Variants in ATP11B observed in about 807,000 individuals in gnomAD.
ATP11B encodes phospholipid-transporting ATPase IF.
A neutral mutation model predicts 157.8 loss-of-function variants in ATP11B; 81 were observed. The ratio of observed to expected loss-of-function variants is 0.51; its 90% CI spans 0.43 to 0.62. The LOEUF is 0.62. ATP11B is among the 20% of genes least tolerant of loss of function. ATP11B has a pLI of 0.00. For missense variants in ATP11B, 1,165 were observed against 1,402.2 expected, an observed-to-expected ratio of 0.83 and a Z score of 2.70; for synonymous variants, 451 against 469.4, an observed-to-expected ratio of 0.96 and a Z score of 0.51.
intron 1 of ATP11B, among the ~76,000 whole-genome samples, chr3:182,799,936 A>T (rs1370775689): frequency 6.6e-6 from 1 of 151,970 alleles, no homozygotes; most frequent in Non-Finnish European, 1.5e-5. Context: ...ACATAGTGAG[A>T]CCCTGTGTCT....
At chr3:182,868,234 C>T (rs538471738) in intron 15 of ATP11B, among the ~76,000 whole-genome samples, 1 of 150,972 alleles carries the variant, frequency 6.6e-6, no homozygotes, top group Admixed American at 6.6e-5. Flanking sequence ...CTAGTTTTTC[C>T]ATTCTTTGAT....
intron 1 of ATP11B, among the ~76,000 whole-genome samples, chr3:182,811,358 G>A (rs1158262921): frequency 6.6e-6 from 1 of 152,122 alleles, no homozygotes; most frequent in Non-Finnish European, 1.5e-5. Flanking sequence ...TTGCAAACAT[G>A]GCGTCTGGAA....
Position 182,869,160 on chromosome 3 carries a change from T to G in ATP11B, c.1762+9T>G. The G allele has an allele frequency of 6.2e-7, 1 of 1,606,226 alleles. No individual in the cohort carries two copies. The highest frequency in any genetic ancestry group is 8.5e-7 in the Non-Finnish European group (1 of 1,175,926). Reference sequence around the variant, plus strand: ...TGTTCAGGCACCTTCAGGTAACCAATCTAAACTTTCATGAATTTTTATTTA... The same window carrying G: ...TGTTCAGGCACCTTCAGGTAACCAAGCTAAACTTTCATGAATTTTTATTTA... On this transcript the variant is annotated intron_variant, in intron 16 of 29. Transcript: ENST00000323116.
At chr3:182,816,872 T>C (rs536048387) in intron 1 of ATP11B, among the ~76,000 whole-genome samples, 3 of 152,230 alleles carry the variant, frequency 2.0e-5, no homozygotes, top group Non-Finnish European at 4.4e-5. Context: ...AGTTTTGTTC[T>C]TTTATTTTTA....
intron 25 of ATP11B, among the ~76,000 whole-genome samples, chr3:182,893,366 A>G (rs1380687784): frequency 1.3e-5 from 2 of 152,032 alleles, no homozygotes; most frequent in African/African-American, 2.4e-5. Context: ...CTGAGCCCCA[A>G]AAGTTCATTG....
At chr3:182,835,402 TA>T (rs1718472301) in intron 4 of ATP11B, among the ~76,000 whole-genome samples, 1 of 152,290 alleles carries the variant, frequency 6.6e-6, no homozygotes, top group Non-Finnish European at 1.5e-5. Flanking sequence ...CATTTGTACA[TA>T]GAAACAATAG....
intron 25 of ATP11B, among the ~76,000 whole-genome samples, chr3:182,895,498 A>T (rs908897275): frequency 1.3e-5 from 2 of 152,238 alleles, no homozygotes; most frequent in Non-Finnish European, 2.9e-5. Flanking sequence ...AGAGAGGTTA[A>T]GTAATTTGTT....
chr3:182,917,335 T>G (rs1459194408), intron 29 of ATP11B: 1 of 985,284 alleles, frequency 1.0e-6, no homozygotes, highest in Non-Finnish European at 1.2e-6. Context: ...ACTTTTGGTC[T>G]TGAGTTATTT....
intron 28 of ATP11B, chr3:182,902,665 C>A: frequency 1.6e-6 from 1 of 642,390 alleles, no homozygotes; most frequent in Non-Finnish European, 2.3e-6. Flanking sequence ...AAGAGCGGGG[C>A]ATTTTTGTTA....
At chr3:182,804,145 T>C (rs1459891553) in intron 1 of ATP11B, among the ~76,000 whole-genome samples, 1 of 152,224 alleles carries the variant, frequency 6.6e-6, no homozygotes, top group African/African-American at 2.4e-5. Flanking sequence ...AAGCTATGGA[T>C]TGTATTTTCA....
rs1252728982 is a variant in ATP11B, at chr3:182,857,955, C to T, written c.929C>T (p.Thr310Ile). ...EAVISTILKYTWQAEEKWDEP... is the reference protein window; with the variant it reads ...EAVISTILKYIWQAEEKWDEP... ...GTCATCAGCACTATCTTGAAGTATA[C>T]ATGGCAAGCTGAAGAAAAATGGGAT... The change falls in exon 11 of 30, where the codon ACA becomes ATA. Residue 310 changes from threonine (T) to isoleucine (I), a missense_variant. Coordinates refer to ENST00000323116, the MANE Select transcript of ATP11B (RefSeq NM_014616.3). 5 of 1,608,638 alleles carry T rather than the reference C, an allele frequency of 3.1e-6. No individual in the cohort carries two copies. The highest frequency in any genetic ancestry group is 3.4e-6 in the Non-Finnish European group (4 of 1,175,642).
intron 6 of ATP11B, 27 bp from the exon 7 acceptor site, chr3:182,837,044 C>T: frequency 2.6e-6 from 4 of 1,554,950 alleles, no homozygotes; most frequent in South Asian, 1.1e-5. Flanking sequence ...GATCTGAAAA[C>T]TCTACAGTTT....
In ATP11B at chr3:182,867,051, A is replaced by G. The variant is rs1721294646; in HGVS notation, c.1620-325A>G. ...GCCATTCTCCTGACCCAGACACCTG[A>G]GTAGCTGGGACTGACTACAGGCACA... is the stretch of plus-strand genomic sequence containing the variant. On this transcript the variant is annotated intron_variant, in intron 14 of 29. Coordinates refer to ENST00000323116, the MANE Select transcript of ATP11B (RefSeq NM_014616.3). Among the ~76,000 whole-genome samples, 3 of 151,772 alleles carry G rather than the reference A, an allele frequency of 2.0e-5. 1 individual carries two copies. In the South Asian group the frequency reaches 6.2e-4, roughly 32 times the overall value.
chr3:182,882,963 G>A (rs1005797435), intron 21 of ATP11B, among the ~76,000 whole-genome samples: 4 of 152,160 alleles, frequency 2.6e-5, no homozygotes, highest in Non-Finnish European at 5.9e-5. Flanking sequence ...CCAAGGAATG[G>A]AAGTTAAAAT....
At chr3:182,836,556 A>G (rs766418967) in intron 6 of ATP11B, 86 bp downstream of exon 6, 2 of 1,499,956 alleles carry the variant, frequency 1.3e-6, no homozygotes, top group South Asian at 1.2e-5. Context: ...TAAAGTAGTA[A>G]AGTTTGACCA....
intron 28 of ATP11B, chr3:182,906,041 A>C (rs1277445714): frequency 9.2e-6 from 3 of 324,518 alleles, no homozygotes; most frequent in African/African-American, 6.5e-5. Flanking sequence ...TGTTCCTCAT[A>C]TGTTGTTTTA....
Position 182,920,152 on chromosome 3 carries a change from A to G in ATP11B, c.*2048A>G, listed in dbSNP as rs1310828448. On this transcript the variant is annotated 3_prime_UTR_variant, in exon 30 of 30. Transcript: ENST00000323116. ...AGACTCCAAAGTCATAAAATAGCCT[A>G]TGACCAACTGCAGCAAGACAGGAGG... The G allele has an allele frequency of 1.2e-4, 19 of 152,232 alleles. No individual in the cohort carries two copies. Among genetic ancestry groups the G allele is most frequent in the African/African-American group, 3.9e-4 (16 of 41,466 alleles). The allele number at this position is 152,232 out of a possible 1,614,324, so 9.4% of individuals were successfully genotyped here.
chr3:182,831,864 A>G (rs1718174368), intron 4 of ATP11B, among the ~76,000 whole-genome samples: 2 of 152,150 alleles, frequency 1.3e-5, no homozygotes, highest in Non-Finnish European at 2.9e-5. Context: ...TTGAATGTCT[A>G]GCTCTACGGT....
At chr3:182,881,837 A>G (rs1439255380) in intron 21 of ATP11B, among the ~76,000 whole-genome samples, 1 of 152,208 alleles carries the variant, frequency 6.6e-6, no homozygotes, top group Non-Finnish European at 1.5e-5. Context: ...TAAAGATCCT[A>G]CAGCGCATTT....
Sources: allele counts gnomAD v4.1 joint callset (sites outside exome capture counted in the v4.1 genomes callset), GRCh38; gene constraint gnomAD v4.1.1; transcripts MANE v1.5; gene names NCBI Gene and HGNC (gene_info 2026-07-23, HGNC 2026-07-21).